ARFGEF1: variants seen among roughly 807,000 people sequenced by gnomAD.
The protein encoded by ARFGEF1 is ARF guanine nucleotide exchange factor 1.
ARFGEF1 carries 42 observed loss-of-function variants against 231.0 expected under a neutral mutation model. The ratio of observed to expected loss-of-function variants is 0.18; its 90% confidence interval spans 0.14 to 0.24. ARFGEF1 has a LOEUF of 0.24. Ranked by LOEUF, ARFGEF1 falls within the 10% of genes least tolerant of loss-of-function variation. The pLI, the probability that ARFGEF1 is intolerant of heterozygous loss-of-function variation, is 1.00. For synonymous variants in ARFGEF1, 710 were observed against 732.3 expected, an observed-to-expected ratio of 0.97 and a Z score of 0.49; for missense variants, 1,345 against 2,192.0, an observed-to-expected ratio of 0.61 and a Z score of 7.72.
At chr8:67,184,056 T>C (rs1833742847) in intron 5 of ARFGEF1, among the ~76,000 whole-genome samples, 1 of 152,122 alleles carries the variant, frequency 6.6e-6, no homozygotes, top group Non-Finnish European at 1.5e-5. Flanking sequence ...TTTCACCGTG[T>C]TGGCCAGGCT....
At chr8:67,262,372 G>A (rs1303624574) in intron 14 of ARFGEF1, among the ~76,000 whole-genome samples, 3 of 152,172 alleles carry the variant, frequency 2.0e-5, no homozygotes, top group Non-Finnish European at 4.4e-5. Context: ...TAACATATGA[G>A]TAGCTGCTTC....
At chr8:67,335,405 C>T (rs556192577) in intron 1 of ARFGEF1, among the ~76,000 whole-genome samples, 2 of 151,842 alleles carry the variant, frequency 1.3e-5, no homozygotes, top group Non-Finnish European at 2.9e-5. Flanking sequence ...ACGCCGGGCC[C>T]CGTATCACAG....
intron 1 of ARFGEF1, among the ~76,000 whole-genome samples, chr8:67,314,536 TCAGCTTCTC>T (rs1259752660): frequency 6.6e-6 from 1 of 152,162 alleles, no homozygotes; most frequent in Non-Finnish European, 1.5e-5. Context: ...AAACAGACCT[TCAGCTTCTC>T]CAGCGGGGGT....
chr8:67,312,848 T>C (rs562622768), intron 1 of ARFGEF1, among the ~76,000 whole-genome samples: 2 of 152,306 alleles, frequency 1.3e-5, no homozygotes, highest in African/African-American at 4.8e-5. Flanking sequence ...CTGACATCAG[T>C]ATACTGTGAA....
chr8:67,324,264 A>C (rs1217717424), intron 1 of ARFGEF1, among the ~76,000 whole-genome samples: 2 of 152,218 alleles, frequency 1.3e-5, no homozygotes, highest in South Asian at 2.1e-4. Flanking sequence ...ACTGCACTCT[A>C]GCTTGGCAAC....
rs374567378 is a variant in ARFGEF1 at position 67,258,045 on chromosome 8, G to A, written c.2441+40C>T. 8 of 1,541,498 alleles carry A rather than the reference G, an allele frequency of 5.2e-6. No individual in the cohort carries two copies. The African/African-American group carries it at 5.5e-5, about 11-fold the overall frequency. ...GGATGCTACCTAGCACAGTGGTTTGGATATAACAGACAATCAATGAGCATT... is the reference window on the plus strand; with the variant it reads ...GGATGCTACCTAGCACAGTGGTTTGAATATAACAGACAATCAATGAGCATT... On this transcript the variant is annotated intron_variant, in intron 16 of 38. Transcript: ENST00000262215.
chr8:67,217,456 A>AT (rs905173137), intron 32 of ARFGEF1, among the ~76,000 whole-genome samples: 43 of 149,450 alleles, frequency 2.9e-4, no homozygotes, highest in African/African-American at 4.6e-4. Flanking sequence ...ACAGGCTGAG[A>AT]TTTTTTTTTT....
rs1563874958 is a variant in ARFGEF1, at chr8:67,266,295, CGTTTCAATGT to C, written c.1922-98_1922-89del. ...AAACAAATTCTTGAATAAGGCAAGG[CGTTTCAATGT>C]TGCTTAGATATCTATTTAATACAAA... On this transcript the variant is annotated intron_variant, in intron 13 of 38. Coordinates refer to ENST00000262215, the MANE Select transcript of ARFGEF1 (RefSeq NM_006421.5). 4 of 979,948 alleles carry C rather than the reference CGTTTCAATGT, an allele frequency of 4.1e-6. No individual in the cohort carries two copies. In the African/African-American group the frequency reaches 6.6e-5, roughly 16 times the overall value. The allele number at this position is 979,948 out of a possible 1,614,324, so 60.7% of individuals were successfully genotyped here. A position where few individuals can be genotyped will look rare whatever the true frequency, so the allele number is the denominator to read the frequency against.
downstream of ARFGEF1, among the ~76,000 whole-genome samples, chr8:67,194,718 G>C (rs967618158): frequency 1.3e-5 from 2 of 151,058 alleles, no homozygotes; most frequent in Non-Finnish European, 2.9e-5. Context: ...GATATCACAG[G>C]GTAGGAAGAC....
rs1483534339 is a variant in ARFGEF1, at chr8:67,198,503, A to T, written c.*431T>A. On this transcript the variant is annotated 3_prime_UTR_variant, in exon 39 of 39. Coordinates refer to ENST00000262215, the MANE Select transcript of ARFGEF1 (RefSeq NM_006421.5). ...AGTTGCTAAATATCTTTTACCATGA[A>T]CAATAATTTCTTCTTCTCTCCCCAC... is the stretch of plus-strand genomic sequence containing the variant. 1 of 989,946 alleles carries T rather than the reference A, an allele frequency of 1.0e-6. No homozygotes were observed. The highest frequency in any genetic ancestry group is 1.7e-5 in the African/African-American group (1 of 57,254). The allele number at this position is 989,946 out of a possible 1,614,324, so 61.3% of individuals were successfully genotyped here. A position where few individuals can be genotyped will look rare whatever the true frequency, so the allele number is the denominator to read the frequency against.
chr8:67,226,786 A>T (rs934432052), intron 27 of ARFGEF1, among the ~76,000 whole-genome samples: 4 of 152,056 alleles, frequency 2.6e-5, no homozygotes, highest in Non-Finnish European at 4.4e-5. Context: ...TTAATACTCC[A>T]TGGGTCTCAA....
In ARFGEF1 at chr8:67,202,561, A is replaced by AT. The variant is rs1390379669; in HGVS notation, c.5128+521dup. On this transcript the variant is annotated intron_variant, in intron 36 of 38. Coordinates refer to ENST00000262215, the MANE Select transcript of ARFGEF1 (RefSeq NM_006421.5). ...GGTGTGAGTCACCACAGCTGGCTCT[A>AT]TTTTTTAAATTAAAAAATTAACAAT... is the stretch of plus-strand genomic sequence containing the variant. Among the ~76,000 whole-genome samples the AT allele has an allele frequency of 5.4e-4, 82 of 152,276 alleles. 1 individual carries two copies. Among genetic ancestry groups the AT allele is most frequent in the African/African-American group, 1.6e-3 (66 of 41,546 alleles).
intron 6 of ARFGEF1, 102 bp from the exon 7 acceptor site, chr8:67,288,167 G>A: frequency 9.9e-6 from 6 of 607,236 alleles, no homozygotes; most frequent in South Asian, 3.4e-5. Flanking sequence ...AGGAATAAAA[G>A]AAAAAAAATC....
intron 15 of ARFGEF1, among the ~76,000 whole-genome samples, chr8:67,259,357 G>T (rs1203854583): frequency 6.6e-6 from 1 of 152,132 alleles, no homozygotes; most frequent in Non-Finnish European, 1.5e-5. Flanking sequence ...CTCCTGAGTA[G>T]CTGGGATTAC....
intron 1 of ARFGEF1, among the ~76,000 whole-genome samples, chr8:67,317,271 C>T (rs913347093): frequency 5.9e-5 from 9 of 152,078 alleles, no homozygotes; most frequent in African/African-American, 1.9e-4. Context: ...TCTACGTAAC[C>T]GGAGGAGATA....
downstream of ARFGEF1, among the ~76,000 whole-genome samples, chr8:67,193,088 C>A (rs1836855517): frequency 6.6e-6 from 1 of 152,116 alleles, no homozygotes; most frequent in African/African-American, 2.4e-5. Context: ...TCACAGTGTA[C>A]ATTTGAGGGC....
intron 5 of ARFGEF1, chr8:67,190,769 A>T: frequency 6.4e-7 from 1 of 1,570,390 alleles, no homozygotes; most frequent in Non-Finnish European, 8.8e-7. Context: ...TGTATGTATG[A>T]GACTTTTCTC....
chr8:67,225,787 T>G (rs190921869), intron 28 of ARFGEF1, among the ~76,000 whole-genome samples: 1 of 152,276 alleles, frequency 6.6e-6, no homozygotes, highest in East Asian at 1.9e-4. Context: ...ATAAAGCCAT[T>G]AGAAGATTAA....
At chr8:67,242,260 C>A (rs1169656211) in intron 19 of ARFGEF1, among the ~76,000 whole-genome samples, 1 of 152,160 alleles carries the variant, frequency 6.6e-6, no homozygotes, top group Admixed American at 6.5e-5. Flanking sequence ...GCTGGCATCA[C>A]CCCTCCCCCA....
Sources: gnomAD v4.1 joint callset for allele counts (sites outside exome capture counted in the v4.1 genomes callset) on GRCh38, gnomAD v4.1.1 for gene constraint, MANE v1.5 for transcripts, NCBI Gene and HGNC (gene_info 2026-07-23, HGNC 2026-07-21) for gene names.